CPPED1: variants seen among roughly 807,000 people sequenced by gnomAD.
The protein encoded by CPPED1 is calcineurin like phosphoesterase domain containing 1.
CPPED1 carries 28 observed loss-of-function variants against 28.0 expected under a neutral mutation model. The ratio of observed to expected loss-of-function variants is 1.00; its 90% CI spans 0.74 to 1.37. The LOEUF (loss-of-function observed/expected upper bound fraction) is 1.37. Among genes scored for constraint, CPPED1 ranks in the 40% most tolerant of loss-of-function variants. CPPED1 has a pLI of 0.00. For synonymous variants in CPPED1, 198 were observed against 180.2 expected (o/e 1.10, Z -0.79); for missense variants, 504 against 416.5 (o/e 1.21, Z -1.83).
At chr16:12,758,985 A>G (rs2080390844) in intron 2 of CPPED1, among the ~76,000 whole-genome samples, 2 of 151,866 alleles carry the variant, frequency 1.3e-5, no homozygotes, top group African/African-American at 4.8e-5. Flanking sequence ...CAACACGGCA[A>G]GACCCCATCC....
intron 2 of CPPED1, among the ~76,000 whole-genome samples, chr16:12,731,530 TA>T (rs1390056647): frequency 2.0e-5 from 3 of 151,804 alleles, no homozygotes; most frequent in Non-Finnish European, 2.9e-5. Context: ...CTAGAACACT[TA>T]GAGCGAAAGA....
chr16:12,739,361 C>T (rs2080242658), intron 2 of CPPED1, among the ~76,000 whole-genome samples: 2 of 152,090 alleles, frequency 1.3e-5, no homozygotes, highest in South Asian at 4.1e-4. Flanking sequence ...GGGTGGATCA[C>T]CTGAGGTCAG....
intron 2 of CPPED1, among the ~76,000 whole-genome samples, chr16:12,777,616 T>C (rs1195597368): frequency 6.6e-6 from 1 of 152,228 alleles, no homozygotes. Flanking sequence ...AAATGGACTT[T>C]GTGTGAAACA....
intron 3 of CPPED1, among the ~76,000 whole-genome samples, chr16:12,678,399 A>T (rs2079888815): frequency 6.6e-6 from 1 of 152,182 alleles, no homozygotes; most frequent in African/African-American, 2.4e-5. Flanking sequence ...TTGCATTTCC[A>T]CGGAAATTTT....
chr16:12,687,888 C>T (rs1167833016), intron 3 of CPPED1, among the ~76,000 whole-genome samples: 1 of 151,276 alleles, frequency 6.6e-6, no homozygotes, highest in Non-Finnish European at 1.5e-5. Context: ...TTTATGAAGA[C>T]AGTAATAACG....
intron 2 of CPPED1, among the ~76,000 whole-genome samples, chr16:12,765,566 T>C (rs2080433610): frequency 6.6e-6 from 1 of 152,234 alleles, no homozygotes; most frequent in East Asian, 1.9e-4. Context: ...CATTGCTACC[T>C]TGCAGATCAA....
At chr16:12,719,922 G>C (rs572179806) in intron 2 of CPPED1, among the ~76,000 whole-genome samples, 2 of 151,226 alleles carry the variant, frequency 1.3e-5, no homozygotes, top group Non-Finnish European at 2.9e-5. Context: ...GGCGACAAGA[G>C]CAAAACTCCA....
At chr16:12,763,484 T>A (rs1477115033) in intron 2 of CPPED1, among the ~76,000 whole-genome samples, 1 of 152,152 alleles carries the variant, frequency 6.6e-6, no homozygotes, top group Non-Finnish European at 1.5e-5. Flanking sequence ...TCAATCTCAA[T>A]AGAGTCATTA....
At chr16:12,744,291 AGAGAGAAAGCAAGCAAGCAAGC>A (rs746098486) in intron 2 of CPPED1, among the ~76,000 whole-genome samples, 9 of 138,818 alleles carry the variant, frequency 6.5e-5, no homozygotes, top group African/African-American at 2.2e-4. Context: ...AGAGAGAGAG[AGAGAGAAAGCAAGCAAGCAAGC>A]AAGCAAGCAA....
intron 1 of CPPED1, among the ~76,000 whole-genome samples, chr16:12,788,704 G>A (rs2080578868): frequency 6.6e-6 from 1 of 152,186 alleles, no homozygotes; most frequent in Admixed American, 6.5e-5. Flanking sequence ...CTGGAGTGGT[G>A]AGAGCCATGA....
chr16:12,693,028 C>T (rs1290676162), intron 3 of CPPED1, among the ~76,000 whole-genome samples: 4 of 152,210 alleles, frequency 2.6e-5, no homozygotes. Flanking sequence ...AAAAGATTTC[C>T]TTTCCTCTTA....
chr16:12,677,035 G>C (rs2079881214), intron 3 of CPPED1, among the ~76,000 whole-genome samples: 1 of 152,172 alleles, frequency 6.6e-6, no homozygotes, highest in African/African-American at 2.4e-5. Flanking sequence ...CAGGTGAGGG[G>C]AATATCACGA....
intron 2 of CPPED1, among the ~76,000 whole-genome samples, chr16:12,756,266 T>A (rs923051111): frequency 3.3e-5 from 5 of 152,160 alleles, no homozygotes; most frequent in African/African-American, 4.8e-5. Context: ...TCAGTTATCG[T>A]CTTAAATAAG....
chr16:12,774,302 T>A (rs2080485489), intron 2 of CPPED1, among the ~76,000 whole-genome samples: 1 of 152,060 alleles, frequency 6.6e-6, no homozygotes, highest in African/African-American at 2.4e-5. Flanking sequence ...ACCCCATCTC[T>A]ACTAAAATTA....
intron 3 of CPPED1, among the ~76,000 whole-genome samples, chr16:12,665,638 A>T (rs1313131180): frequency 2.0e-5 from 3 of 151,102 alleles, no homozygotes; most frequent in Non-Finnish European, 3.0e-5. Context: ...CCAAAAATAT[A>T]AAAAAAAATG....
intron 2 of CPPED1, among the ~76,000 whole-genome samples, chr16:12,732,187 C>A (rs1375996325): frequency 6.7e-6 from 1 of 150,040 alleles, no homozygotes; most frequent in African/African-American, 2.5e-5. Context: ...AGAGAAGATA[C>A]TGCATTAATC....
intron 2 of CPPED1, among the ~76,000 whole-genome samples, chr16:12,710,708 A>G (rs979206438): frequency 2.0e-5 from 3 of 152,244 alleles, no homozygotes; most frequent in Non-Finnish European, 4.4e-5. Flanking sequence ...AAGAGGATAT[A>G]TAAATGGCCA....
chr16:12,751,553 G>C (rs1027415541), intron 2 of CPPED1, among the ~76,000 whole-genome samples: 2 of 152,190 alleles, frequency 1.3e-5, no homozygotes, highest in Non-Finnish European at 2.9e-5. Context: ...TAAGCACAAA[G>C]ACAACAGCCA....
Position 12,747,707 on chromosome 16 carries a change from C to T in CPPED1, c.289+33478G>A, listed in dbSNP as rs184396279. Among the ~76,000 whole-genome samples, 477 of 152,198 alleles carry T rather than the reference C, an allele frequency of 3.1e-3. 3 individuals are homozygous for T. Among genetic ancestry groups the T allele is most frequent in the South Asian group, 0.02 (96 of 4,816 alleles). On this transcript the variant is annotated intron_variant, in intron 2 of 3. Transcript: ENST00000381774. ...TGCTAGAATTACAGGCATGAGCCACCGCGCCCGGCCTTAACGAGGAAACTT... is the reference window on the plus strand; with the variant it reads ...TGCTAGAATTACAGGCATGAGCCACTGCGCCCGGCCTTAACGAGGAAACTT...
Sources: allele counts gnomAD v4.1 joint callset (sites outside exome capture counted in the v4.1 genomes callset), GRCh38; gene constraint gnomAD v4.1.1; transcripts MANE v1.5; gene names NCBI Gene and HGNC (gene_info 2026-07-23, HGNC 2026-07-21).